The following PHF21B variants were observed in gnomAD, a reference collection of about 807,000 sequenced individuals.
The protein encoded by PHF21B is PHD finger protein 4.
In PHF21B, 22 loss-of-function variants were observed where a neutral mutation model predicts 62.2. The observed-to-expected ratio is 0.35, with a 90% CI of 0.25 to 0.51. PHF21B has a LOEUF of 0.51. Among genes scored for constraint, PHF21B ranks in the 20% least tolerant of loss-of-function variants. PHF21B has a pLI of 0.97. For missense variants in PHF21B, 701 were observed against 707.9 expected (o/e 0.99, Z 0.11); for synonymous variants, 341 against 314.7 (o/e 1.08, Z -0.88).
chr22:44,933,214 C>T (rs542119532), intron 2 of PHF21B, among the ~76,000 whole-genome samples: 2 of 151,664 alleles, frequency 1.3e-5, no homozygotes, highest in Admixed American at 6.6e-5. Context: ...TGGGTTCAAG[C>T]GATTCTCCTG....
At chr22:44,931,014 C>G (rs564185463) in intron 2 of PHF21B, among the ~76,000 whole-genome samples, 2 of 152,344 alleles carry the variant, frequency 1.3e-5, no homozygotes, top group African/African-American at 4.8e-5. Flanking sequence ...TGCTGGAACC[C>G]TCTTCCAAAG....
intron 2 of PHF21B, among the ~76,000 whole-genome samples, chr22:44,999,090 C>G (rs1243090645): frequency 6.6e-6 from 1 of 152,182 alleles, no homozygotes; most frequent in Non-Finnish European, 1.5e-5. Context: ...ATCGGAGCCG[C>G]CAAGGGATGC....
At chr22:44,994,124 G>A (rs1244310660) in intron 2 of PHF21B, among the ~76,000 whole-genome samples, 1 of 152,220 alleles carries the variant, frequency 6.6e-6, no homozygotes, top group African/African-American at 2.4e-5. Context: ...GGGCATCCCC[G>A]CAACGTGAAT....
chr22:44,964,788 C>T (rs1421748530), intron 2 of PHF21B, among the ~76,000 whole-genome samples: 1 of 152,228 alleles, frequency 6.6e-6, no homozygotes, highest in African/African-American at 2.4e-5. Context: ...GGGCCCAAGT[C>T]TCCTGGCCAC....
chr22:44,963,397 G>C (rs947621130), intron 2 of PHF21B, among the ~76,000 whole-genome samples: 1 of 152,192 alleles, frequency 6.6e-6, no homozygotes, highest in Admixed American at 6.5e-5. Context: ...TCACTGTTAA[G>C]GATTTTGTTT....
At chr22:44,948,710 GAGAC>G (rs1357272119) in intron 2 of PHF21B, among the ~76,000 whole-genome samples, 4 of 150,366 alleles carry the variant, frequency 2.7e-5, no homozygotes, top group East Asian at 1.9e-4. Flanking sequence ...AAAAAAAAGA[GAGAC>G]AGAGAAAACC....
intron 5 of PHF21B, among the ~76,000 whole-genome samples, chr22:44,905,639 GTTTTTTT>G (rs1397033466): frequency 2.6e-5 from 4 of 151,736 alleles, no homozygotes; most frequent in African/African-American, 4.9e-5. Flanking sequence ...TTTGTTTTTT[GTTTTTTT>G]GATACGGAAT....
chr22:44,920,350 C>T (rs775408310), intron 3 of PHF21B, 48 bp downstream of exon 3: 46 of 1,475,858 alleles, frequency 3.1e-5, no homozygotes, highest in Middle Eastern at 2.1e-4. Flanking sequence ...ACAGAGACTG[C>T]GGGGACAGAC....
rs150659720 is a variant in PHF21B, at chr22:44,965,487, C to T, written c.120+43058G>A. On this transcript the variant is annotated intron_variant, in intron 2 of 12. Coordinates refer to ENST00000313237, the MANE Select transcript of PHF21B (RefSeq NM_138415.5). ...CACTTCCGACTTTTTCCATCCTGCA[C>T]GGCCCTGGTCCTCCTGTCAGTCCAG... Among the ~76,000 whole-genome samples, 197 of 151,528 alleles carry T rather than the reference C, an allele frequency of 1.3e-3. 1 individual carries two copies. In the East Asian group the frequency reaches 0.034, roughly 26 times the overall value.
intron 9 of PHF21B, among the ~76,000 whole-genome samples, chr22:44,888,603 G>A (rs565438230): frequency 6.6e-6 from 1 of 152,308 alleles, no homozygotes; most frequent in African/African-American, 2.4e-5. Context: ...CGTAGCCCCG[G>A]CCAAGACCCT....
intron 2 of PHF21B, among the ~76,000 whole-genome samples, chr22:44,984,054 T>C (rs1309488532): frequency 8.5e-6 from 1 of 118,240 alleles, no homozygotes; most frequent in African/African-American, 3.2e-5. Context: ...CCATCATCAC[T>C]ATCATCATCA....
chr22:44,947,309 T>C (rs1031148742), intron 2 of PHF21B, among the ~76,000 whole-genome samples: 2 of 152,250 alleles, frequency 1.3e-5, no homozygotes, highest in African/African-American at 4.8e-5. Flanking sequence ...TGATCTCATT[T>C]AAAATGATCT....
At chr22:44,975,796 C>A (rs1474579325) in intron 2 of PHF21B, among the ~76,000 whole-genome samples, 3 of 152,236 alleles carry the variant, frequency 2.0e-5, no homozygotes, top group African/African-American at 7.2e-5. Flanking sequence ...GGCTCCACTT[C>A]CAACTCGCCC....
intron 2 of PHF21B, among the ~76,000 whole-genome samples, chr22:44,925,939 G>A (rs2071620952): frequency 9.0e-6 from 1 of 111,470 alleles, no homozygotes; most frequent in African/African-American, 2.9e-5. Flanking sequence ...GACTGTGGGG[G>A]CGGGAGGCAA....
intron 2 of PHF21B, among the ~76,000 whole-genome samples, chr22:44,922,096 G>T (rs1308432252): frequency 6.6e-6 from 1 of 152,222 alleles, no homozygotes; most frequent in Admixed American, 6.5e-5. Context: ...CTCAGATGCA[G>T]AAATTCTTAA....
intron 2 of PHF21B, among the ~76,000 whole-genome samples, chr22:44,929,818 T>C (rs2071705024): frequency 6.6e-6 from 1 of 152,070 alleles, no homozygotes; most frequent in Non-Finnish European, 1.5e-5. Context: ...AAATGCAGCA[T>C]GAGGCGGCAG....
At chr22:44,998,516 G>A (rs1351060885) in intron 2 of PHF21B, among the ~76,000 whole-genome samples, 2 of 152,088 alleles carry the variant, frequency 1.3e-5, no homozygotes, top group African/African-American at 4.8e-5. Context: ...GAGGGGCTTG[G>A]CCGAGGTGCT....
intron 12 of PHF21B, among the ~76,000 whole-genome samples, 171 bp from the exon 13 acceptor site, chr22:44,883,475 AC>A (rs2070774077): frequency 6.6e-6 from 1 of 152,188 alleles, no homozygotes; most frequent in Non-Finnish European, 1.5e-5. Flanking sequence ...GAGCAGCCAG[AC>A]CCACAGGAGA....
intron 2 of PHF21B, among the ~76,000 whole-genome samples, chr22:44,982,078 A>T (rs2072852975): frequency 6.6e-6 from 1 of 152,244 alleles, no homozygotes; most frequent in Non-Finnish European, 1.5e-5. Context: ...CGGTGGAAAC[A>T]GCGCTGGGCT....
Sources: gnomAD v4.1 joint callset for allele counts (sites outside exome capture counted in the v4.1 genomes callset) on GRCh38, gnomAD v4.1.1 for gene constraint, MANE v1.5 for transcripts, NCBI Gene and HGNC (gene_info 2026-07-23, HGNC 2026-07-21) for gene names.